The following MYO3B variants were observed in gnomAD, a reference collection of about 807,000 sequenced individuals.
MYO3B encodes myosin-IIIb.
A neutral mutation model predicts 174.6 loss-of-function variants in MYO3B; 156 were observed. The observed-to-expected ratio is 0.89, with a 90% CI of 0.78 to 1.02. MYO3B has a LOEUF of 1.02. Ranked by LOEUF, MYO3B falls within the 50% of genes least tolerant of loss-of-function variation. MYO3B has a pLI of 0.00. For synonymous variants in MYO3B, 563 were observed against 569.1 expected (o/e 0.99, Z 0.15); for missense variants, 1,632 against 1,639.4 (o/e 1.00, Z 0.08).
At chr2:170,198,523 T>G (rs1427020652) in intron 1 of MYO3B, among the ~76,000 whole-genome samples, 2 of 152,212 alleles carry the variant, frequency 1.3e-5, no homozygotes, top group South Asian at 4.1e-4. Context: ...TTCTGACTAT[T>G]GATTTTCCTT....
chr2:170,421,090 C>T (rs749529144), intron 22 of MYO3B, among the ~76,000 whole-genome samples: 3 of 152,132 alleles, frequency 2.0e-5, no homozygotes, highest in Non-Finnish European at 4.4e-5. Flanking sequence ...CTCAGAGAGT[C>T]TTTCTGTCCA....
At chr2:170,344,438 C>G in intron 8 of MYO3B, 1 of 130,238 alleles carries the variant, frequency 7.7e-6, no homozygotes. Context: ...TGCACTCCAG[C>G]CTGGGTGGCA....
chr2:170,577,221 TATTTTAAAAGTA>T (rs976581817), intron 32 of MYO3B, among the ~76,000 whole-genome samples: 1 of 152,248 alleles, frequency 6.6e-6, no homozygotes, highest in African/African-American at 2.4e-5. Flanking sequence ...CTATTTTAAT[TATTTTAAAAGTA>T]ATTTTAAAAA....
At chr2:170,266,682 C>G (rs2093386205) in intron 7 of MYO3B, among the ~76,000 whole-genome samples, 1 of 152,174 alleles carries the variant, frequency 6.6e-6, no homozygotes, top group South Asian at 2.1e-4. Context: ...GTTCATACCT[C>G]TTAGTTCACG....
chr2:170,530,508 G>T (rs1425401174), intron 30 of MYO3B, among the ~76,000 whole-genome samples: 1 of 152,236 alleles, frequency 6.6e-6, no homozygotes, highest in South Asian at 2.1e-4. Flanking sequence ...TAATCTGAGG[G>T]GTTCTGCTTG....
chr2:170,344,742 A>G (rs989615603), intron 8 of MYO3B: 2 of 152,324 alleles, frequency 1.3e-5, no homozygotes, highest in African/African-American at 4.8e-5. Flanking sequence ...ACTAGTGATA[A>G]GAATAGTATT....
chr2:170,402,233 G>A (rs116661627), intron 18 of MYO3B, among the ~76,000 whole-genome samples: 192 of 152,274 alleles, frequency 1.3e-3, no homozygotes, highest in African/African-American at 4.4e-3. Context: ...TATGCTTTGT[G>A]TTCCAATAAT....
At chr2:170,445,352 T>TA (rs2094833075) in intron 23 of MYO3B, among the ~76,000 whole-genome samples, 1 of 151,746 alleles carries the variant, frequency 6.6e-6, no homozygotes, top group African/African-American at 2.4e-5. Context: ...TTTTTTTTTT[T>TA]ATTTTTGAGA....
At chr2:170,460,921 T>A (rs1025205634) in intron 23 of MYO3B, among the ~76,000 whole-genome samples, 1 of 152,232 alleles carries the variant, frequency 6.6e-6, no homozygotes, top group African/African-American at 2.4e-5. Context: ...TTAAATTGTG[T>A]TTCAGCTGAA....
At chr2:170,377,105 C>A (rs181759381) in intron 9 of MYO3B, among the ~76,000 whole-genome samples, 3 of 152,196 alleles carry the variant, frequency 2.0e-5, no homozygotes, top group Non-Finnish European at 4.4e-5. Flanking sequence ...CACTTTTGGG[C>A]AAAATATGTT....
At chr2:170,384,990 T>C (rs1049093512) in intron 12 of MYO3B, among the ~76,000 whole-genome samples, 2 of 152,154 alleles carry the variant, frequency 1.3e-5, no homozygotes, top group African/African-American at 2.4e-5. Flanking sequence ...CTCTTTAGGT[T>C]TGATAATTCA....
At chr2:170,608,509 C>T (rs1178297478) in intron 32 of MYO3B, among the ~76,000 whole-genome samples, 1 of 152,124 alleles carries the variant, frequency 6.6e-6, no homozygotes, top group Admixed American at 6.5e-5. Context: ...TCTCTTATCC[C>T]CTCCTTTGCT....
chr2:170,453,096 A>G (rs1683690882), intron 23 of MYO3B, among the ~76,000 whole-genome samples: 1 of 152,228 alleles, frequency 6.6e-6, no homozygotes, highest in African/African-American at 2.4e-5. Flanking sequence ...ACTAAAATAA[A>G]GTATCCCCAC....
In MYO3B at chr2:170,443,977, C is replaced by A; in HGVS notation, c.2661C>A (p.Ala887=). ...SIPLTKTGNL[A]QTRARITVAS... is the part of the protein sequence containing the mutation. Reference sequence around the variant, plus strand: ...TGGTCTCTTTCTCAGGTAATTTGGCCCAGACAAGAGCTAGGATAACAGTGG... The same window carrying A: ...TGGTCTCTTTCTCAGGTAATTTGGCACAGACAAGAGCTAGGATAACAGTGG... Residue 887 remains alanine (A), a synonymous_variant, in exon 23 of 35, where the codon GCC becomes GCA. Transcript: ENST00000408978. The A allele has an allele frequency of 1.2e-6, 2 of 1,609,280 alleles. No homozygotes were observed. The highest frequency in any genetic ancestry group is 1.3e-5 in the African/African-American group (1 of 74,912).
intron 33 of MYO3B, 84 bp from the exon 34 acceptor site, chr2:170,652,024 T>G: frequency 2.1e-6 from 3 of 1,411,638 alleles, no homozygotes; most frequent in Non-Finnish European, 3.0e-6. Context: ...AGCATCTGCT[T>G]GCATTCAACA....
At chr2:170,490,271 G>A (rs1388279458) in intron 25 of MYO3B, among the ~76,000 whole-genome samples, 2 of 151,990 alleles carry the variant, frequency 1.3e-5, no homozygotes, top group African/African-American at 2.4e-5. Flanking sequence ...CTCGTGATCC[G>A]CCCTCCTCGG....
chr2:170,637,131 T>G (rs1340568961), intron 32 of MYO3B, among the ~76,000 whole-genome samples: 1 of 151,788 alleles, frequency 6.6e-6, no homozygotes, highest in African/African-American at 2.4e-5. Flanking sequence ...AGGAAGGTGC[T>G]TATAGCTATA....
rs1698726088 is a variant in MYO3B at position 170,649,194 on chromosome 2, ATT to A, written c.3734-2433_3734-2432del. On this transcript the variant is annotated intron_variant, in intron 32 of 34. Transcript: ENST00000408978. ...ATATATTATATATAAAATAATATAT[ATT>A]ATATATAAAATAATATATAATATAT... is the stretch of plus-strand genomic sequence containing the variant. Among the ~76,000 whole-genome samples, 3 of 52,004 alleles carry A rather than the reference ATT, an allele frequency of 5.8e-5. 1 individual carries two copies. The highest frequency in any genetic ancestry group is 1.9e-4 in the African/African-American group (2 of 10,514). The allele number at this position is 52,004 out of a possible 152,430, so 34.1% of individuals were successfully genotyped here.
chr2:170,652,011 A>G (rs1391164571), intron 33 of MYO3B, 97 bp from the exon 34 acceptor site: 15 of 1,297,946 alleles, frequency 1.2e-5, no homozygotes, highest in Middle Eastern at 1.9e-4. Context: ...TTCTGATATT[A>G]TCAGCATCTG....
Sources: allele counts gnomAD v4.1 joint callset (sites outside exome capture counted in the v4.1 genomes callset), GRCh38; gene constraint gnomAD v4.1.1; transcripts MANE v1.5; gene names NCBI Gene and HGNC (gene_info 2026-07-23, HGNC 2026-07-21).